The following WDR25 variants were observed in gnomAD, a reference collection of about 807,000 sequenced individuals.
WDR25 encodes the protein WD repeat domain 25, also known as WD repeat-containing protein 25.
Under a neutral mutation model 47.7 loss-of-function variants are expected in WDR25, and 35 were observed. The observed-to-expected ratio is 0.73, with a 90% CI of 0.56 to 0.97. WDR25 has a LOEUF of 0.97. Among genes scored for constraint, WDR25 ranks in the 50% least tolerant of loss-of-function variants. The probability of loss-of-function intolerance (pLI) is 0.00; values close to 1 mark genes in which losing one functional copy is unlikely to be tolerated. For synonymous variants in WDR25, 248 were observed against 278.9 expected, an observed-to-expected ratio of 0.89 and a Z score of 1.10; for missense variants, 634 against 704.7, an observed-to-expected ratio of 0.90 and a Z score of 1.14.
intron 4 of WDR25, among the ~76,000 whole-genome samples, chr14:100,495,113 T>G (rs992515963): frequency 2.6e-5 from 4 of 152,196 alleles, no homozygotes; most frequent in African/African-American, 9.6e-5. Flanking sequence ...TCCCAGCACT[T>G]TGGGAGGCCG....
chr14:100,446,547 T>A (rs1348417862), intron 2 of WDR25, among the ~76,000 whole-genome samples: 1 of 93,050 alleles, frequency 1.1e-5, no homozygotes, highest in East Asian at 3.1e-4. Flanking sequence ...GAAGACTCCA[T>A]CTCAAAAAAA....
intron 2 of WDR25, among the ~76,000 whole-genome samples, chr14:100,436,412 A>G (rs2140239639): frequency 6.6e-6 from 1 of 152,238 alleles, no homozygotes; most frequent in Non-Finnish European, 1.5e-5. Context: ...TTTAGAATTC[A>G]TTTCCTTTGT....
intron 2 of WDR25, among the ~76,000 whole-genome samples, chr14:100,396,598 G>A (rs569077313): frequency 9.7e-4 from 148 of 152,362 alleles, no homozygotes; most frequent in Non-Finnish European, 1.6e-3. Context: ...GCCAACACAA[G>A]TGGCCTCACA....
chr14:100,483,219 T>C (rs923386723), intron 3 of WDR25, among the ~76,000 whole-genome samples: 24 of 152,206 alleles, frequency 1.6e-4, no homozygotes, highest in Admixed American at 6.5e-5. Context: ...TTTTGAAGTT[T>C]ATATAGCTTA....
At chr14:100,448,114 G>A (rs1403806032) in intron 2 of WDR25, among the ~76,000 whole-genome samples, 1 of 146,100 alleles carries the variant, frequency 6.8e-6, no homozygotes, top group Non-Finnish European at 1.5e-5. Context: ...AGAATCACTT[G>A]AACCAGGGAG....
chr14:100,488,616 A>T lies in WDR25; in HGVS notation c.1101+4492A>T, dbSNP rs953771379. Among the ~76,000 whole-genome samples, 1 of 152,096 alleles carries T rather than the reference A, an allele frequency of 6.6e-6. No homozygotes were observed. Among genetic ancestry groups the T allele is most frequent in the African/African-American group, 2.4e-5 (1 of 41,422 alleles). On this transcript the variant is annotated intron_variant, in intron 4 of 6. Transcript: ENST00000402312. This position sits in a 1 kb window ranked among gnomAD's most constrained non-coding sequence, Gnocchi z 4.2. ...GGAGAGCACCTGGGCTCTTGTTAGG[A>T]TGCAGATTCTGTTTCAGCAGGTCCA...
chr14:100,514,851 T>G (rs1021642374), intron 4 of WDR25, among the ~76,000 whole-genome samples: 1 of 152,214 alleles, frequency 6.6e-6, no homozygotes, highest in Admixed American at 6.5e-5. Context: ...ATTTTCTTTG[T>G]GCCTTAAGGA....
chr14:100,417,953 T>TC (rs1272635191), intron 2 of WDR25, among the ~76,000 whole-genome samples: 1 of 151,802 alleles, frequency 6.6e-6, no homozygotes, highest in African/African-American at 2.4e-5. Flanking sequence ...GTCTTTTTTT[T>TC]TTTTTTGAGA....
chr14:100,490,543 C>G (rs1315127338), intron 4 of WDR25, among the ~76,000 whole-genome samples: 1 of 152,226 alleles, frequency 6.6e-6, no homozygotes, highest in South Asian at 2.1e-4. Context: ...ATCTAGGGCA[C>G]GGGCCAGAGC....
intron 4 of WDR25, among the ~76,000 whole-genome samples, chr14:100,508,587 T>C (rs1208202772): frequency 1.3e-5 from 2 of 152,230 alleles, no homozygotes; most frequent in Non-Finnish European, 1.5e-5. Context: ...TTCTAATGCA[T>C]GTGCAATTAT....
rs1463937358 is a variant in WDR25, at chr14:100,519,714, GTATATATAC to G, written c.1102-6147_1102-6139del. On this transcript the variant is annotated intron_variant, in intron 4 of 6. Coordinates refer to ENST00000402312, the MANE Select transcript of WDR25 (RefSeq NM_001161476.3). ...ATCATCTATATATAGTATATATAGT[GTATATATAC>G]TATATATAGTGTATATATAGTATAT... Among the ~76,000 whole-genome samples the G allele has an allele frequency of 4.9e-3, 684 of 138,548 alleles. 7 individuals carry two copies. Among genetic ancestry groups the G allele is most frequent in the African/African-American group, 0.014 (517 of 36,556 alleles). 90.9% of individuals were successfully genotyped at this position (138,548 alleles called of 152,430 possible). A position where few individuals can be genotyped will look rare whatever the true frequency, so the allele number is the denominator to read the frequency against.
chr14:100,455,624 A>C (rs989457521), intron 2 of WDR25: 1 of 152,238 alleles, frequency 6.6e-6, no homozygotes, highest in Non-Finnish European at 1.5e-5. Flanking sequence ...AGTCAAACCA[A>C]AGATGAAGAG....
At position 100,376,567 on chromosome 14, in the gene WDR25, G is replaced by T. The variant is rs1177696518; in HGVS notation, c.-16+72G>T. ...GGCAGCGCCTAAAGCGCCCCGTGCC[G>T]CTTAACGCGGTCTCTCATAGCCGCT... On this transcript the variant is annotated intron_variant, in intron 1 of 6. Transcript: ENST00000402312. The T allele has an allele frequency of 4.9e-6, 6 of 1,231,752 alleles. No homozygotes were observed. In the Admixed American group the frequency reaches 1.7e-4, roughly 35 times the overall value. The allele number at this position is 1,231,752 out of a possible 1,614,324, so 76.3% of individuals were successfully genotyped here.
intron 4 of WDR25, among the ~76,000 whole-genome samples, chr14:100,513,814 C>T (rs1354131444): frequency 6.6e-6 from 1 of 152,010 alleles, no homozygotes; most frequent in East Asian, 1.9e-4. Flanking sequence ...AGGCATGAGC[C>T]ACTGTGCCCA....
chr14:100,427,380 A>G (rs955605622), intron 2 of WDR25, among the ~76,000 whole-genome samples: 4 of 152,092 alleles, frequency 2.6e-5, no homozygotes, highest in African/African-American at 9.7e-5. Context: ...CCCGTTCACC[A>G]TGGGGCAGGG....
chr14:100,482,403 TG>T (rs1900234298), intron 3 of WDR25, among the ~76,000 whole-genome samples: 2 of 152,258 alleles, frequency 1.3e-5, no homozygotes. Context: ...CTTTTATCCT[TG>T]CATCATCCTT....
At chr14:100,379,495 C>G (rs1896820587) in intron 1 of WDR25, among the ~76,000 whole-genome samples, 1 of 149,788 alleles carries the variant, frequency 6.7e-6, no homozygotes, top group Admixed American at 6.7e-5. Flanking sequence ...TCAAGCAATT[C>G]TTCTGTCTCA....
intron 3 of WDR25, among the ~76,000 whole-genome samples, chr14:100,470,747 G>A (rs1161468065): frequency 6.6e-6 from 1 of 152,208 alleles, no homozygotes; most frequent in Non-Finnish European, 1.5e-5. Context: ...TGCCTTGCCT[G>A]GTTGGTGATA....
In WDR25 at chr14:100,428,608, T is replaced by C. The variant is rs1366997743; in HGVS notation, c.823-39413T>C. Among the ~76,000 whole-genome samples the C allele has an allele frequency of 6.6e-6, 1 of 152,110 alleles. No homozygotes were observed. Among genetic ancestry groups the C allele is most frequent in the Non-Finnish European group, 1.5e-5 (1 of 68,022 alleles). ...GCCTGCTCCATGCTGTCCAGGAGAG[T>C]ACTGGGGCCTTGCCAGCGGAGCCCC... is the stretch of plus-strand genomic sequence containing the variant. On this transcript the variant is annotated intron_variant, in intron 2 of 6. Transcript: ENST00000402312. The surrounding 1 kb of genome is among the most constrained non-coding windows in gnomAD (Gnocchi z 4.3).
Sources: gnomAD v4.1 joint callset for allele counts (sites outside exome capture counted in the v4.1 genomes callset) on GRCh38, gnomAD v4.1.1 for gene constraint, Gnocchi (gnomAD v3.1) non-coding constraint, MANE v1.5 for transcripts, NCBI Gene and HGNC (gene_info 2026-07-23, HGNC 2026-07-21) for gene names.